The following OSBPL6 variants were observed in gnomAD, a reference collection of about 807,000 sequenced individuals.
OSBPL6 encodes the protein oxysterol binding protein like 6.
A neutral mutation model predicts 125.8 loss-of-function variants in OSBPL6; 49 were observed. The observed-to-expected ratio is 0.39, with a 90% CI of 0.31 to 0.49. The LOEUF is 0.49. Among genes scored for constraint, OSBPL6 ranks in the 20% least tolerant of loss-of-function variants. OSBPL6 has a pLI of 0.88. For missense variants in OSBPL6, 986 were observed against 1,135.4 expected (o/e 0.87, Z 1.89); for synonymous variants, 394 against 391.8 (o/e 1.01, Z -0.07).
At chr2:178,382,903 A>C in intron 16 of OSBPL6, 121 bp from the exon 17 acceptor site, 1 of 1,462,616 alleles carries the variant, frequency 6.8e-7, no homozygotes, top group Non-Finnish European at 9.1e-7. Context: ...TACTTTTGAA[A>C]AGATATAATG....
intron 1 of OSBPL6, among the ~76,000 whole-genome samples, chr2:178,243,992 T>A (rs1291009340): frequency 6.6e-6 from 1 of 152,188 alleles, no homozygotes; most frequent in Non-Finnish European, 1.5e-5. Context: ...CTTTTTCTGC[T>A]CTGTTTAAAG....
intron 13 of OSBPL6, among the ~76,000 whole-genome samples, chr2:178,369,964 G>A (rs1693225225): frequency 6.6e-6 from 1 of 152,096 alleles, no homozygotes. Context: ...GAAACCCTCA[G>A]GTCAAGACTG....
At chr2:178,207,461 A>C (rs2089600479) in intron 1 of OSBPL6, among the ~76,000 whole-genome samples, 1 of 152,222 alleles carries the variant, frequency 6.6e-6, no homozygotes, top group South Asian at 2.1e-4. Context: ...TTTTGGGGTC[A>C]TATATGGTAA....
At chr2:178,255,355 A>G (rs2091849124) in intron 1 of OSBPL6, among the ~76,000 whole-genome samples, 1 of 152,216 alleles carries the variant, frequency 6.6e-6, no homozygotes, top group Non-Finnish European at 1.5e-5. Flanking sequence ...GAGCGTGTGC[A>G]GGGGAACTGC....
At chr2:178,260,096 G>A (rs2092009610) in intron 1 of OSBPL6, among the ~76,000 whole-genome samples, 1 of 152,142 alleles carries the variant, frequency 6.6e-6, no homozygotes, top group South Asian at 2.1e-4. Flanking sequence ...TCCACATTAA[G>A]GCCTCAGCTA....
intron 2 of OSBPL6, among the ~76,000 whole-genome samples, chr2:178,302,938 C>G (rs536958571): frequency 8.5e-5 from 13 of 152,256 alleles, no homozygotes; most frequent in African/African-American, 2.4e-4. Flanking sequence ...CACTTGAACG[C>G]ATCACAAAAG....
chr2:178,308,904 G>T (rs2154061999), intron 3 of OSBPL6, among the ~76,000 whole-genome samples: 1 of 152,228 alleles, frequency 6.6e-6, no homozygotes, highest in Non-Finnish European at 1.5e-5. Flanking sequence ...CAAATGTCCT[G>T]AGTAGGGCAG....
intron 1 of OSBPL6, among the ~76,000 whole-genome samples, chr2:178,214,972 C>T (rs1018132518): frequency 4.6e-5 from 7 of 151,994 alleles, no homozygotes; most frequent in Middle Eastern, 3.4e-3. Context: ...AAAACCTTTA[C>T]GGCAATGCCT....
intron 1 of OSBPL6, among the ~76,000 whole-genome samples, chr2:178,238,909 TC>T (rs1379078580): frequency 2.0e-5 from 3 of 152,148 alleles, no homozygotes; most frequent in African/African-American, 7.2e-5. Context: ...TCTTATCCCC[TC>T]TCCCGCCTGT....
intron 2 of OSBPL6, among the ~76,000 whole-genome samples, chr2:178,290,861 A>C: frequency 6.6e-6 from 1 of 152,156 alleles, no homozygotes; most frequent in Non-Finnish European, 1.5e-5. Flanking sequence ...AAGAAAAAAA[A>C]AATGATGAGT....
At chr2:178,221,331 T>A (rs1284290350) in intron 1 of OSBPL6, among the ~76,000 whole-genome samples, 1 of 152,134 alleles carries the variant, frequency 6.6e-6, no homozygotes, top group Non-Finnish European at 1.5e-5. Flanking sequence ...TAGTGTAGGG[T>A]AGAAACATCA....
chr2:178,381,139 T>G (rs749221649), intron 15 of OSBPL6, among the ~76,000 whole-genome samples: 2 of 152,228 alleles, frequency 1.3e-5, no homozygotes, highest in Non-Finnish European at 2.9e-5. Context: ...TTCTTGCCTG[T>G]GGGAAAGTCA....
intron 1 of OSBPL6, among the ~76,000 whole-genome samples, chr2:178,243,523 C>T (rs1007771990): frequency 2.0e-5 from 3 of 151,934 alleles, no homozygotes; most frequent in South Asian, 2.1e-4. Context: ...CTTCACTGCA[C>T]TCCCCCCGAC....
At chr2:178,306,566 A>G (rs377645815) in intron 3 of OSBPL6, among the ~76,000 whole-genome samples, 2 of 152,274 alleles carry the variant, frequency 1.3e-5, no homozygotes, top group East Asian at 1.9e-4. Context: ...AGGGGGAGCC[A>G]GCATCAAGAA....
chr2:178,210,661 A>G (rs2089805945), intron 1 of OSBPL6, among the ~76,000 whole-genome samples: 1 of 151,984 alleles, frequency 6.6e-6, no homozygotes, highest in Non-Finnish European at 1.5e-5. Flanking sequence ...AAATATAAAA[A>G]ATAAGCCGGG....
intron 18 of OSBPL6, among the ~76,000 whole-genome samples, chr2:178,385,196 G>A (rs1476450092): frequency 6.6e-6 from 1 of 151,916 alleles, no homozygotes; most frequent in Non-Finnish European, 1.5e-5. Flanking sequence ...TAACAAACCT[G>A]CACATTCTGC....
rs893804661 is a variant in OSBPL6 at position 178,397,154 on chromosome 2, T to C, written c.*1595T>C. 2.6e-5 allele frequency: 4 copies of C among 152,222 alleles called. No homozygotes were observed. The highest frequency in any genetic ancestry group is 9.6e-5 in the African/African-American group (4 of 41,456). 9.4% of individuals were successfully genotyped at this position (152,222 alleles called of 1,614,324 possible). On this transcript the variant is annotated 3_prime_UTR_variant, in exon 25 of 25. Coordinates refer to ENST00000190611, the MANE Select transcript of OSBPL6 (RefSeq NM_032523.4). ...TAATAATGGCTAATACACCATCAAA[T>C]GAAAAACTGCTGATGAGAGTGTAAG...
At chr2:178,356,870 G>T (rs921610480) in intron 12 of OSBPL6, among the ~76,000 whole-genome samples, 1 of 152,178 alleles carries the variant, frequency 6.6e-6, no homozygotes, top group African/African-American at 2.4e-5. Flanking sequence ...AAAACAGCAT[G>T]GTACTAGTAC....
intron 12 of OSBPL6, among the ~76,000 whole-genome samples, chr2:178,352,517 C>T (rs986227554): frequency 3.9e-5 from 6 of 152,124 alleles, no homozygotes; most frequent in Admixed American, 1.3e-4. Flanking sequence ...AACTGCGAGG[C>T]GGCAGACTGG....
Sources: gnomAD v4.1 joint callset for allele counts (sites outside exome capture counted in the v4.1 genomes callset) on GRCh38, gnomAD v4.1.1 for gene constraint, MANE v1.5 for transcripts, NCBI Gene and HGNC (gene_info 2026-07-23, HGNC 2026-07-21) for gene names.